Variants in SHROOM3 observed in about 807,000 individuals in gnomAD.
SHROOM3 encodes protein Shroom3.
In SHROOM3, 47 loss-of-function variants were observed where a neutral mutation model predicts 138.6. The ratio of observed to expected loss-of-function variants is 0.34; its 90% CI spans 0.27 to 0.43. The LOEUF (loss-of-function observed/expected upper bound fraction) is 0.43, where lower values mean the gene tolerates loss of function less well. SHROOM3 is among the 20% of genes least tolerant of loss of function. The pLI is 1.00. For synonymous variants in SHROOM3, 1,062 were observed against 1,063.3 expected, an observed-to-expected ratio of 1.00 and a Z score of 0.02; for missense variants, 2,491 against 2,596.5, an observed-to-expected ratio of 0.96 and a Z score of 0.88.
In SHROOM3 at chr4:76,636,476, T is replaced by C. The variant is rs187419993; in HGVS notation, c.324-73680T>C. Among the ~76,000 whole-genome samples the C allele has an allele frequency of 1.1e-4, 17 of 152,366 alleles. No individual in the cohort carries two copies. The East Asian group carries it at 3.3e-3, about 29-fold the overall frequency. ...AATTACTACTATTAGTAATTTAAAA[T>C]CACTTTTCCTAATGTGCCTAGCAGT... On this transcript the variant is annotated intron_variant, in intron 2 of 10. Coordinates refer to ENST00000296043, the MANE Select transcript of SHROOM3 (RefSeq NM_020859.4).
chr4:76,462,744 A>ATCTCCC (rs1214841388), intron 1 of SHROOM3, among the ~76,000 whole-genome samples: 12 of 80,022 alleles, frequency 1.5e-4, no homozygotes, highest in Non-Finnish European at 2.5e-4. Flanking sequence ...CTCCATCTCC[A>ATCTCCC]TCTCCCTCTC....
chr4:76,650,516 A>G (rs1222266424), intron 2 of SHROOM3, among the ~76,000 whole-genome samples: 2 of 145,462 alleles, frequency 1.4e-5, no homozygotes, highest in African/African-American at 2.6e-5. Context: ...CTTTTTTTTA[A>G]GTATATTTAT....
At position 76,781,943 on chromosome 4, in the gene SHROOM3, A is replaced by T. The variant is rs2109802801; in HGVS notation, c.*2766A>T. On this transcript the variant is annotated 3_prime_UTR_variant, in exon 11 of 11. Transcript: ENST00000296043. The stretch of plus-strand genomic sequence containing the variant: ...GTCTTTGTGGATGTGATAATTTTGG[A>T]GATACACTTCTGGTCAGAACTCAGG... 1 of 152,256 alleles carries T rather than the reference A, an allele frequency of 6.6e-6. No homozygotes were observed. The highest frequency in any genetic ancestry group is 1.9e-4 in the East Asian group (1 of 5,168). The allele number at this position is 152,256 out of a possible 1,614,324, so 9.4% of individuals were successfully genotyped here.
chr4:76,563,913 C>G (rs1418527467), intron 2 of SHROOM3, among the ~76,000 whole-genome samples: 1 of 152,196 alleles, frequency 6.6e-6, no homozygotes, highest in Non-Finnish European at 1.5e-5. Context: ...GTGGTTAACT[C>G]CTGTATGAAG....
chr4:76,474,306 C>T lies in SHROOM3; in HGVS notation c.168+38086C>T, dbSNP rs141953035. Among the ~76,000 whole-genome samples the T allele has an allele frequency of 6.7e-4, 102 of 152,170 alleles. No homozygotes were observed. In the East Asian group the frequency reaches 0.019, roughly 28 times the overall value. ...GGGAGGATGGATGGGAGAGTGACTACTAGAGGGTACAGGACTTAATTTTAG... is the reference window on the plus strand; with the variant it reads ...GGGAGGATGGATGGGAGAGTGACTATTAGAGGGTACAGGACTTAATTTTAG... On this transcript the variant is annotated intron_variant, in intron 1 of 10. Transcript: ENST00000296043.
At chr4:76,728,041 G>A (rs569321000) in intron 3 of SHROOM3, among the ~76,000 whole-genome samples, 15 of 152,110 alleles carry the variant, frequency 9.9e-5, no homozygotes, top group South Asian at 2.1e-4. Context: ...TCATGGTGGC[G>A]TGTGCCTGTA....
chr4:76,702,363 A>G (rs190910868), intron 2 of SHROOM3, among the ~76,000 whole-genome samples: 2 of 152,260 alleles, frequency 1.3e-5, no homozygotes, highest in Non-Finnish European at 2.9e-5. Flanking sequence ...AATCTGGTAC[A>G]TACCATGTGC....
chr4:76,769,582 G>A (rs539667924), intron 9 of SHROOM3, among the ~76,000 whole-genome samples: 4 of 152,142 alleles, frequency 2.6e-5, no homozygotes, highest in African/African-American at 9.7e-5. Flanking sequence ...ATGTGATTAA[G>A]GTGTCAAATT....
intron 3 of SHROOM3, among the ~76,000 whole-genome samples, chr4:76,715,785 C>T (rs1720355648): frequency 6.6e-6 from 1 of 152,172 alleles, no homozygotes; most frequent in African/African-American, 2.4e-5. Flanking sequence ...GCAGTGAGTT[C>T]TGTCCCTGTG....
intron 10 of SHROOM3, among the ~76,000 whole-genome samples, chr4:76,772,355 T>C (rs1722390789): frequency 6.6e-6 from 1 of 152,052 alleles, no homozygotes; most frequent in Admixed American, 6.6e-5. Flanking sequence ...CCACCTGCCT[T>C]GGCCTCGCAA....
chr4:76,558,660 C>G (rs1180887225), intron 2 of SHROOM3, among the ~76,000 whole-genome samples: 1 of 152,106 alleles, frequency 6.6e-6, no homozygotes, highest in Non-Finnish European at 1.5e-5. Context: ...GGATATAAAC[C>G]AGAATGCTAC....
intron 1 of SHROOM3, among the ~76,000 whole-genome samples, chr4:76,438,818 G>T (rs933460898): frequency 6.6e-6 from 1 of 151,814 alleles, no homozygotes; most frequent in Non-Finnish European, 1.5e-5. Flanking sequence ...GTATATGAAA[G>T]GGCATGGCTG....
At chr4:76,697,341 G>A (rs1719770235) in intron 2 of SHROOM3, among the ~76,000 whole-genome samples, 1 of 152,098 alleles carries the variant, frequency 6.6e-6, no homozygotes, top group Admixed American at 6.5e-5. Context: ...AATTACAGGT[G>A]GAAATTAAGC....
intron 3 of SHROOM3, among the ~76,000 whole-genome samples, chr4:76,711,553 C>T (rs1720229207): frequency 6.6e-6 from 1 of 152,062 alleles, no homozygotes; most frequent in Non-Finnish European, 1.5e-5. Flanking sequence ...ATTAGCTGGG[C>T]ATACTGGCAC....
intron 1 of SHROOM3, among the ~76,000 whole-genome samples, chr4:76,546,444 G>C (rs1193242163): frequency 6.6e-6 from 1 of 152,182 alleles, no homozygotes; most frequent in Non-Finnish European, 1.5e-5. Flanking sequence ...ATTTAGTTCT[G>C]GTGCCAAAAC....
chr4:76,599,261 A>AGTAGT (rs1255316949), intron 2 of SHROOM3, among the ~76,000 whole-genome samples: 3 of 152,196 alleles, frequency 2.0e-5, no homozygotes, highest in Admixed American at 1.3e-4. Flanking sequence ...GGAGGGCTTC[A>AGTAGT]GTAGTAGCTT....
intron 1 of SHROOM3, among the ~76,000 whole-genome samples, chr4:76,507,673 G>A (rs1732241515): frequency 6.6e-6 from 1 of 151,848 alleles, no homozygotes; most frequent in African/African-American, 2.4e-5. Flanking sequence ...CGAGTAGCTG[G>A]GACTACAGGC....
chr4:76,776,462 ATTTATC>A (rs1412298481), intron 10 of SHROOM3, among the ~76,000 whole-genome samples: 1 of 152,042 alleles, frequency 6.6e-6, no homozygotes, highest in Non-Finnish European at 1.5e-5. Context: ...AGTCCTATCT[ATTTATC>A]TTTGTTTTTG....
At chr4:76,583,799 A>G (rs1734095994) in intron 2 of SHROOM3, among the ~76,000 whole-genome samples, 1 of 152,220 alleles carries the variant, frequency 6.6e-6, no homozygotes, top group South Asian at 2.1e-4. Flanking sequence ...GACACATAGT[A>G]ACTACTAACT....
Sources: allele counts gnomAD v4.1 joint callset (sites outside exome capture counted in the v4.1 genomes callset), GRCh38; gene constraint gnomAD v4.1.1; transcripts MANE v1.5; gene names NCBI Gene and HGNC (gene_info 2026-07-23, HGNC 2026-07-21).